PALM2AKAP2: variants seen among roughly 807,000 people sequenced by gnomAD.
The protein encoded by PALM2AKAP2 is PALM2-AKAP2 fusion protein.
In PALM2AKAP2, 37 loss-of-function variants were observed where a neutral mutation model predicts 71.5. The ratio of observed to expected loss-of-function variants is 0.52; its 90% CI spans 0.40 to 0.68. The LOEUF (loss-of-function observed/expected upper bound fraction) is 0.68, where lower values mean the gene tolerates loss of function less well. Among genes scored for constraint, PALM2AKAP2 ranks in the 30% least tolerant of loss-of-function variants. The pLI is 0.00. For missense variants in PALM2AKAP2, 1,224 were observed against 1,191.8 expected (o/e 1.03, Z -0.40); for synonymous variants, 468 against 478.8 (o/e 0.98, Z 0.29).
chr9:109,832,789 G>A (rs1828340191), intron 1 of PALM2AKAP2, among the ~76,000 whole-genome samples: 1 of 152,166 alleles, frequency 6.6e-6, no homozygotes. Context: ...TTTCATTGGG[G>A]TTCTCAAATG....
chr9:109,744,511 G>A (rs1030359195), intron 1 of PALM2AKAP2, among the ~76,000 whole-genome samples: 1 of 152,116 alleles, frequency 6.6e-6, no homozygotes, highest in African/African-American at 2.4e-5. Flanking sequence ...AGTTTCCAGA[G>A]AGTCACTAGA....
chr9:109,811,278 A>G (rs2131442991), intron 1 of PALM2AKAP2, among the ~76,000 whole-genome samples: 1 of 152,212 alleles, frequency 6.6e-6, no homozygotes, highest in East Asian at 1.9e-4. Context: ...ACAGAGAGAG[A>G]GGGGTGCAAG....
At position 109,851,390 on chromosome 9, in the gene PALM2AKAP2, C is replaced by A. The variant is rs201693152; in HGVS notation, c.46-16101C>A. On this transcript the variant is annotated intron_variant, in intron 1 of 9. Coordinates refer to the PALM2AKAP2 transcript ENST00000302798. Reference sequence around the variant, plus strand: ...GAGGCCAAGATGTGGAGGCATCTAACTGGCTCGTGCATGTTAAGAACTGGA... The same window carrying A: ...GAGGCCAAGATGTGGAGGCATCTAAATGGCTCGTGCATGTTAAGAACTGGA... 5.9e-5 allele frequency among the ~76,000 whole-genome samples: 9 copies of A among 152,102 alleles called. No individual in the cohort carries two copies. In the East Asian group the frequency reaches 1.7e-3, roughly 29 times the overall value.
chr9:109,825,634 C>A (rs945363288), intron 1 of PALM2AKAP2, among the ~76,000 whole-genome samples: 1 of 152,170 alleles, frequency 6.6e-6, no homozygotes, highest in Non-Finnish European at 1.5e-5. Flanking sequence ...CACTGGCCAT[C>A]AGAGAAATGC....
At chr9:109,748,692 T>C (rs1400696873) in intron 1 of PALM2AKAP2, among the ~76,000 whole-genome samples, 1 of 152,182 alleles carries the variant, frequency 6.6e-6, no homozygotes, top group Non-Finnish European at 1.5e-5. Flanking sequence ...GTAGAGGGTG[T>C]TATATTGGCT....
intron 1 of PALM2AKAP2, among the ~76,000 whole-genome samples, chr9:109,770,542 G>A (rs1237685192): frequency 6.6e-6 from 1 of 152,172 alleles, no homozygotes; most frequent in Non-Finnish European, 1.5e-5. Context: ...ATTTGGCATA[G>A]TCAAAATGTT....
intron 1 of PALM2AKAP2, among the ~76,000 whole-genome samples, chr9:110,102,930 G>A (rs1304218766): frequency 1.3e-5 from 2 of 152,152 alleles, no homozygotes; most frequent in Non-Finnish European, 2.9e-5. Flanking sequence ...TGTGTGCTCT[G>A]CATTTTCAGC....
chr9:109,796,953 C>T (rs939568771), intron 1 of PALM2AKAP2, among the ~76,000 whole-genome samples: 5 of 152,110 alleles, frequency 3.3e-5, no homozygotes, highest in African/African-American at 7.2e-5. Flanking sequence ...TAACTGAAGG[C>T]GGTGCTAAAT....
rs748886457 is a variant in PALM2AKAP2 at position 110,083,947 on chromosome 9, G to A, written c.156+35092G>A. Among the ~76,000 whole-genome samples the A allele has an allele frequency of 3.8e-4, 58 of 152,226 alleles. 1 individual carries two copies. Among genetic ancestry groups the A allele is most frequent in the Non-Finnish European group, 4.4e-4 (30 of 68,026 alleles). On this transcript the variant is annotated intron_variant, in intron 1 of 3. Transcript: ENST00000374525. ...AGGAAAGAAAACTACCAGCGGTAGA[G>A]CAAATGGGATATCCAACCTGAGAGA...
At chr9:109,769,558 T>G (rs2118761638) in intron 1 of PALM2AKAP2, among the ~76,000 whole-genome samples, 1 of 152,294 alleles carries the variant, frequency 6.6e-6, no homozygotes, top group East Asian at 1.9e-4. Flanking sequence ...AAGCTCAGAT[T>G]CTGGCTAGAA....
rs1833380051 is a variant in PALM2AKAP2, at chr9:110,035,524, A to G, written c.582+19485A>G. Reference sequence around the variant, plus strand: ...ATATGATATGTTGTGTGTTATATATAACATATATAGGATATGTTGTGTGTT... The same window carrying G: ...ATATGATATGTTGTGTGTTATATATGACATATATAGGATATGTTGTGTGTT... On this transcript the variant is annotated intron_variant, in intron 7 of 9. Transcript: ENST00000302798. Among the ~76,000 whole-genome samples the G allele has an allele frequency of 2.1e-5, 3 of 144,668 alleles. No individual in the cohort carries two copies. The South Asian group carries it at 6.5e-4, about 31-fold the overall frequency. 94.9% of individuals were successfully genotyped at this position (144,668 alleles called of 152,430 possible).
At chr9:110,036,180 C>T (rs1286503562) in intron 7 of PALM2AKAP2, among the ~76,000 whole-genome samples, 1 of 152,138 alleles carries the variant, frequency 6.6e-6, no homozygotes, top group African/African-American at 2.4e-5. Flanking sequence ...CGTGATCCAC[C>T]CGCCTTGGCC....
chr9:110,138,201 G>T, exon 2 of PALM2AKAP2: 1 of 1,613,896 alleles, frequency 6.2e-7, no homozygotes, highest in Non-Finnish European at 8.5e-7. Flanking sequence ...AGGGAAAGGG[G>T]GCCCCCCCAG....
intron 1 of PALM2AKAP2, among the ~76,000 whole-genome samples, chr9:109,860,687 G>A (rs1829284761): frequency 6.6e-6 from 1 of 152,076 alleles, no homozygotes; most frequent in Admixed American, 6.6e-5. Flanking sequence ...CCCTTTCAGT[G>A]CTTTACTTCT....
intron 1 of PALM2AKAP2, among the ~76,000 whole-genome samples, chr9:109,815,012 G>A (rs1394496654): frequency 1.3e-5 from 2 of 152,188 alleles, no homozygotes; most frequent in Non-Finnish European, 2.9e-5. Context: ...GGGATGGGGA[G>A]TGGGCAGTAA....
intron 1 of PALM2AKAP2, among the ~76,000 whole-genome samples, chr9:109,641,296 G>A (rs1043570009): frequency 1.3e-5 from 2 of 152,240 alleles, no homozygotes; most frequent in Non-Finnish European, 2.9e-5. Context: ...ACGCGGTTCA[G>A]TGTGAAGCGT....
intron 6 of PALM2AKAP2, among the ~76,000 whole-genome samples, chr9:109,977,587 G>A (rs1832193437): frequency 6.6e-6 from 1 of 152,184 alleles, no homozygotes; most frequent in African/African-American, 2.4e-5. Flanking sequence ...AAAGTAATTG[G>A]TTTCATGTAT....
intron 1 of PALM2AKAP2, among the ~76,000 whole-genome samples, chr9:109,800,124 G>A (rs946458813): frequency 1.3e-5 from 2 of 152,158 alleles, no homozygotes; most frequent in African/African-American, 4.8e-5. Flanking sequence ...TTGTTACCCA[G>A]CACCTCCCAT....
At chr9:109,723,134 C>A (rs1828428944) in intron 1 of PALM2AKAP2, among the ~76,000 whole-genome samples, 1 of 152,170 alleles carries the variant, frequency 6.6e-6, no homozygotes, top group African/African-American at 2.4e-5. Flanking sequence ...TGATCTTAGA[C>A]CCTTTTGTGG....
Sources: allele counts gnomAD v4.1 joint callset (sites outside exome capture counted in the v4.1 genomes callset), GRCh38; gene constraint gnomAD v4.1.1; transcripts MANE v1.5; gene names NCBI Gene and HGNC (gene_info 2026-07-23, HGNC 2026-07-21).